Variants in SLCO5A1 observed in about 807,000 individuals in gnomAD.
SLCO5A1 encodes organic anion transporter polypeptide-related protein 4.
A neutral mutation model predicts 65.1 loss-of-function variants in SLCO5A1; 39 were observed. The ratio of observed to expected loss-of-function variants is 0.60; its 90% CI spans 0.46 to 0.78. The LOEUF (loss-of-function observed/expected upper bound fraction) is 0.78. SLCO5A1 is among the 30% of genes least tolerant of loss of function. The pLI, the probability that SLCO5A1 is intolerant of heterozygous loss-of-function variation, is 0.00. For missense variants in SLCO5A1, 1,029 were observed against 1,069.4 expected (o/e 0.96, Z 0.53); for synonymous variants, 438 against 415.7 (o/e 1.05, Z -0.65).
At chr8:69,743,266 G>T (rs1322978372) in intron 4 of SLCO5A1, among the ~76,000 whole-genome samples, 1 of 152,154 alleles carries the variant, frequency 6.6e-6, no homozygotes, top group Non-Finnish European at 1.5e-5. Context: ...TAGCCAAGTG[G>T]GTTCCAGCAT....
intron 3 of SLCO5A1, among the ~76,000 whole-genome samples, chr8:69,757,556 G>A (rs1817586293): frequency 6.6e-6 from 1 of 152,124 alleles, no homozygotes; most frequent in African/African-American, 2.4e-5. Flanking sequence ...GCAAGTGCCT[G>A]TAATCCCAGC....
chr8:69,796,099 T>C (rs572424071), intron 2 of SLCO5A1, among the ~76,000 whole-genome samples: 32 of 152,344 alleles, frequency 2.1e-4, no homozygotes, highest in Non-Finnish European at 2.5e-4. Flanking sequence ...TCTAGGCCTC[T>C]GGGCCTGTGA....
chr8:69,747,149 G>A (rs896497968), intron 4 of SLCO5A1, among the ~76,000 whole-genome samples: 26 of 152,242 alleles, frequency 1.7e-4, no homozygotes, highest in African/African-American at 6.0e-4. Context: ...CTCCCCCTGT[G>A]GCCCTGCATG....
intron 6 of SLCO5A1, among the ~76,000 whole-genome samples, chr8:69,704,357 T>C (rs1215097186): frequency 7.9e-5 from 12 of 152,238 alleles, no homozygotes; most frequent in Admixed American, 7.9e-4. Context: ...TGTAAAGCAC[T>C]TAAGAGAATG....
At chr8:69,695,225 TG>T (rs1814444874) in intron 6 of SLCO5A1, among the ~76,000 whole-genome samples, 1 of 152,232 alleles carries the variant, frequency 6.6e-6, no homozygotes, top group South Asian at 2.1e-4. Flanking sequence ...CCAGGCATCG[TG>T]GCTCACATCT....
chr8:69,669,945 T>G lies in SLCO5A1; in HGVS notation c.*2924A>C, dbSNP rs1192071336. The stretch of plus-strand genomic sequence containing the variant: ...TCAACAAATGCTAATTTTTTTCCTC[T>G]CTGTTCCTCCTTTCTCTCCATCCCC... On this transcript the variant is annotated 3_prime_UTR_variant, in exon 10 of 10. Coordinates refer to ENST00000260126, the MANE Select transcript of SLCO5A1 (RefSeq NM_030958.3). 6.6e-6 allele frequency: 1 copy of G among 152,206 alleles called. No individual in the cohort carries two copies. Among genetic ancestry groups the G allele is most frequent in the Non-Finnish European group, 1.5e-5 (1 of 68,038 alleles). 9.4% of individuals were successfully genotyped at this position (152,206 alleles called of 1,614,324 possible). A position where few individuals can be genotyped will look rare whatever the true frequency, so the allele number is the denominator to read the frequency against.
intron 5 of SLCO5A1, among the ~76,000 whole-genome samples, chr8:69,707,869 A>G (rs922623579): frequency 2.0e-5 from 3 of 152,178 alleles, no homozygotes; most frequent in Admixed American, 2.0e-4. Flanking sequence ...GAGCAGCTCA[A>G]TGGCCCCCAT....
chr8:69,824,375 G>T (rs914625210), intron 2 of SLCO5A1, among the ~76,000 whole-genome samples: 7 of 152,040 alleles, frequency 4.6e-5, no homozygotes, highest in Admixed American at 4.6e-4. Flanking sequence ...TTGATAGACC[G>T]CTAGCAAGAC....
chr8:69,727,206 G>C (rs1380973587), intron 5 of SLCO5A1, among the ~76,000 whole-genome samples: 1 of 152,154 alleles, frequency 6.6e-6, no homozygotes, highest in Non-Finnish European at 1.5e-5. Context: ...GTTGTGCATG[G>C]ATGGGTGGGT....
intron 2 of SLCO5A1, among the ~76,000 whole-genome samples, chr8:69,820,452 C>A (rs1270726108): frequency 1.3e-5 from 2 of 152,154 alleles, no homozygotes; most frequent in African/African-American, 4.8e-5. Context: ...ATATATGTAT[C>A]TTTCATTGTA....
Position 69,828,976 on chromosome 8 carries a change from T to G in SLCO5A1, c.907+2791A>C, listed in dbSNP as rs1821047017. Among the ~76,000 whole-genome samples the G allele has an allele frequency of 2.0e-5, 3 of 152,238 alleles. No individual in the cohort carries two copies. The South Asian group carries it at 6.2e-4, about 32-fold the overall frequency. Reference sequence around the variant, plus strand: ...AGTGGGATGAAAGAGAGATCCAAGTTTTCAAAGTAAATAGAGGCAAAGATC... The same window carrying G: ...AGTGGGATGAAAGAGAGATCCAAGTGTTCAAAGTAAATAGAGGCAAAGATC... On this transcript the variant is annotated intron_variant, in intron 2 of 9. Coordinates refer to ENST00000260126, the MANE Select transcript of SLCO5A1 (RefSeq NM_030958.3).
chr8:69,729,600 A>G (rs1034620214), intron 5 of SLCO5A1, among the ~76,000 whole-genome samples: 2 of 152,204 alleles, frequency 1.3e-5, no homozygotes, highest in Non-Finnish European at 2.9e-5. Context: ...GTAAATAAAG[A>G]GAAAGAATCA....
Position 69,764,572 on chromosome 8 carries a change from C to T in SLCO5A1, c.908-2697G>A, listed in dbSNP as rs147863154. Among the ~76,000 whole-genome samples, 117 of 152,250 alleles carry T rather than the reference C, an allele frequency of 7.7e-4. 1 individual carries two copies. In the East Asian group the frequency reaches 0.014, roughly 18 times the overall value. ...AATGGAGGCAGAGCCACAAGTAATTCGTACTTTTTCAGAAGCATGCTTCTC... is the reference window on the plus strand; with the variant it reads ...AATGGAGGCAGAGCCACAAGTAATTTGTACTTTTTCAGAAGCATGCTTCTC... On this transcript the variant is annotated intron_variant, in intron 2 of 9. Transcript: ENST00000260126.
Position 69,672,759 on chromosome 8 carries a change from T to A in SLCO5A1, c.*110A>T. The A allele has an allele frequency of 8.4e-7, 1 of 1,195,642 alleles. No homozygotes were observed. Among genetic ancestry groups the A allele is most frequent in the Non-Finnish European group, 1.1e-6 (1 of 877,304 alleles). The allele number at this position is 1,195,642 out of a possible 1,614,324, so 74.1% of individuals were successfully genotyped here. On this transcript the variant is annotated 3_prime_UTR_variant, in exon 10 of 10. Transcript: ENST00000260126. ...ATACTGAGTTTTGTTGGTTTGAGGA[T>A]TGTGTCTGTAGAGGTTAAAAAAAAG...
rs1009182563 is a variant in SLCO5A1 at position 69,832,407 on chromosome 8, C to A, written c.267G>T (p.Ser89=). Residue 89 remains serine, a synonymous_variant, in exon 2 of 10, where the codon TCG becomes TCT. Coordinates refer to ENST00000260126, the MANE Select transcript of SLCO5A1 (RefSeq NM_030958.3). This position sits in a 1 kb window ranked among gnomAD's most constrained non-coding sequence, Gnocchi z 4.5. The part of the protein sequence containing the change: ...LAPSPSAPST[S]AGLGDCNHRV... ...TGTGGTTACAGTCCCCGAGCCCCGC[C>A]GAAGTGGACGGGGCAGAGGGACTGG... 1 of 1,612,024 alleles carries A rather than the reference C, an allele frequency of 6.2e-7. No individual in the cohort carries two copies. Among genetic ancestry groups the A allele is most frequent in the Non-Finnish European group, 8.5e-7 (1 of 1,179,170 alleles).
Position 69,832,838 on chromosome 8 carries a change from G to C in SLCO5A1, c.-165C>G, listed in dbSNP as rs1821234080. On this transcript the variant is annotated 5_prime_UTR_variant, in exon 2 of 10. Coordinates refer to ENST00000260126, the MANE Select transcript of SLCO5A1 (RefSeq NM_030958.3). This position sits in a 1 kb window ranked among gnomAD's most constrained non-coding sequence, Gnocchi z 4.5. ...AGGGCATCCTCACCAGCTGCGAGGC[G>C]CCCAGTGCATCCTGATCACAGACAC... 1 of 738,900 alleles carries C rather than the reference G, an allele frequency of 1.4e-6. No individual in the cohort carries two copies. The highest frequency in any genetic ancestry group is 2.2e-6 in the Non-Finnish European group (1 of 464,638). The allele number at this position is 738,900 out of a possible 1,614,324, so 45.8% of individuals were successfully genotyped here.
At chr8:69,772,560 AGG>A (rs1818365085) in intron 2 of SLCO5A1, among the ~76,000 whole-genome samples, 1 of 143,762 alleles carries the variant, frequency 7.0e-6, no homozygotes, top group Non-Finnish European at 1.5e-5. Context: ...GGAGGGAGGG[AGG>A]AGAAAGGAAA....
At chr8:69,764,923 CG>C (rs1389980306) in intron 2 of SLCO5A1, among the ~76,000 whole-genome samples, 1 of 152,054 alleles carries the variant, frequency 6.6e-6, no homozygotes, top group Non-Finnish European at 1.5e-5. Flanking sequence ...GAGTGGCAAG[CG>C]GGATTGTGCA....
rs113528831 is a variant in SLCO5A1, at chr8:69,682,352, G to A, written c.1623-9C>T. The A allele has an allele frequency of 3.9e-6, 6 of 1,546,212 alleles. No homozygotes were observed. The highest frequency in any genetic ancestry group is 4.2e-5 in the Admixed American group (2 of 47,070). On this transcript the variant is annotated splice_polypyrimidine_tract_variant and intron_variant, in intron 6 of 9. Transcript: ENST00000260126. ...GCATGGTGAGAGAAGGTCTAAGAGA[G>A]AAGAGAAGCAGATCATGAGCAACAC...
Sources: gnomAD v4.1 joint callset for allele counts (sites outside exome capture counted in the v4.1 genomes callset) on GRCh38, gnomAD v4.1.1 for gene constraint, Gnocchi (gnomAD v3.1) non-coding constraint, MANE v1.5 for transcripts, NCBI Gene and HGNC (gene_info 2026-07-23, HGNC 2026-07-21) for gene names.